The following CNTNAP2 variants were observed in gnomAD, a reference collection of about 807,000 sequenced individuals.
The protein encoded by CNTNAP2 is contactin associated protein 2.
In CNTNAP2, 98 loss-of-function variants were observed where a neutral mutation model predicts 155.2. The observed-to-expected ratio is 0.63, with a 90% CI of 0.54 to 0.75. The LOEUF (loss-of-function observed/expected upper bound fraction) is 0.75. Ranked by LOEUF, CNTNAP2 falls within the 30% of genes least tolerant of loss-of-function variation. The pLI is 0.00. For synonymous variants in CNTNAP2, 651 were observed against 631.2 expected (o/e 1.03, Z -0.47); for missense variants, 1,727 against 1,688.1 (o/e 1.02, Z -0.40).
intron 8 of CNTNAP2, among the ~76,000 whole-genome samples, chr7:147,135,146 A>G (rs1341671671): frequency 1.3e-5 from 2 of 151,868 alleles, no homozygotes; most frequent in East Asian, 3.9e-4. Context: ...TACAAGTAAA[A>G]TAATGTTTAA....
At chr7:147,685,570 G>C (rs1474663714) in intron 13 of CNTNAP2, among the ~76,000 whole-genome samples, 1 of 151,588 alleles carries the variant, frequency 6.6e-6, no homozygotes, top group African/African-American at 2.4e-5. Flanking sequence ...TTCCTTCACA[G>C]ATATTCTTGG....
At chr7:146,505,350 G>A (rs538014846) in intron 1 of CNTNAP2, among the ~76,000 whole-genome samples, 6 of 152,266 alleles carry the variant, frequency 3.9e-5, no homozygotes, top group African/African-American at 1.4e-4. Context: ...TACTAACAGG[G>A]GTAAATCATG....
chr7:148,158,294 C>T (rs112956945), intron 17 of CNTNAP2, among the ~76,000 whole-genome samples: 175 of 141,890 alleles, frequency 1.2e-3, no homozygotes, highest in African/African-American at 4.7e-3. Context: ...ACAATCTCGG[C>T]TCACTGCAAC....
intron 11 of CNTNAP2, among the ~76,000 whole-genome samples, chr7:147,539,865 G>A (rs182669849): frequency 2.6e-5 from 4 of 152,236 alleles, no homozygotes; most frequent in Non-Finnish European, 4.4e-5. Context: ...TGAGAGGATC[G>A]TATTTCAAGA....
chr7:147,304,631 A>T lies in CNTNAP2; in HGVS notation c.1498+4341A>T, dbSNP rs117518985. Among the ~76,000 whole-genome samples the T allele has an allele frequency of 6.0e-3, 907 of 152,240 alleles. 26 individuals are homozygous for T. The highest frequency in any genetic ancestry group is 0.041 in the Admixed American group (630 of 15,272). On this transcript the variant is annotated intron_variant, in intron 9 of 23. Transcript: ENST00000361727. ...AATGGGGAAGCAGGCAGGTCTTAGG[A>T]AGGTACCAAAGCAAGTGGTGAAGGC...
chr7:148,266,241 G>A (rs937542167), intron 20 of CNTNAP2, among the ~76,000 whole-genome samples: 7 of 152,168 alleles, frequency 4.6e-5, no homozygotes, highest in Admixed American at 1.3e-4. Context: ...GTTTTCCACC[G>A]GGGTGGGGGG....
At chr7:146,663,228 A>C (rs1000706278) in intron 1 of CNTNAP2, among the ~76,000 whole-genome samples, 1 of 148,500 alleles carries the variant, frequency 6.7e-6, no homozygotes, top group South Asian at 2.1e-4. Flanking sequence ...CAGTGAGCCA[A>C]GATCAGCCAT....
At chr7:146,340,068 C>A (rs1801350883) in intron 1 of CNTNAP2, among the ~76,000 whole-genome samples, 1 of 149,138 alleles carries the variant, frequency 6.7e-6, no homozygotes, top group East Asian at 2.0e-4. Context: ...ACTCAGCAGG[C>A]TGAGGCAGGA....
intron 1 of CNTNAP2, among the ~76,000 whole-genome samples, chr7:146,378,298 T>C (rs1046287564): frequency 1.3e-5 from 2 of 152,188 alleles, no homozygotes; most frequent in African/African-American, 4.8e-5. Context: ...ATTAATTGGC[T>C]TGAAATGTTG....
chr7:148,011,586 C>T (rs1188445763), intron 15 of CNTNAP2, among the ~76,000 whole-genome samples: 1 of 152,200 alleles, frequency 6.6e-6, no homozygotes, highest in Non-Finnish European at 1.5e-5. Flanking sequence ...TTATCCCTTG[C>T]ACCTTGCAAT....
intron 3 of CNTNAP2, among the ~76,000 whole-genome samples, chr7:146,914,880 G>A (rs1345837525): frequency 6.6e-6 from 1 of 151,738 alleles, no homozygotes; most frequent in Non-Finnish European, 1.5e-5. Flanking sequence ...TCTTGGTCAT[G>A]AAGTCTTTGC....
At chr7:147,599,982 G>C (rs1445253405) in intron 12 of CNTNAP2, among the ~76,000 whole-genome samples, 1 of 152,112 alleles carries the variant, frequency 6.6e-6, no homozygotes, top group African/African-American at 2.4e-5. Context: ...TTTAATATTT[G>C]AAAACAACCT....
At chr7:146,531,107 AT>A (rs1266472994) in intron 1 of CNTNAP2, among the ~76,000 whole-genome samples, 1 of 152,204 alleles carries the variant, frequency 6.6e-6, no homozygotes, top group Non-Finnish European at 1.5e-5. Flanking sequence ...TCCTAAGCGA[AT>A]TGACACAGGA....
At chr7:147,083,774 A>G (rs570848570) in intron 4 of CNTNAP2, among the ~76,000 whole-genome samples, 6 of 133,560 alleles carry the variant, frequency 4.5e-5, no homozygotes, top group East Asian at 2.2e-4. Flanking sequence ...GTATACACAT[A>G]TATGTATATA....
intron 3 of CNTNAP2, among the ~76,000 whole-genome samples, chr7:146,970,071 A>C (rs187674210): frequency 1.4e-4 from 22 of 152,352 alleles, no homozygotes; most frequent in Non-Finnish European, 2.5e-4. Context: ...AAGATGGATT[A>C]AAGACTTAAA....
chr7:148,229,847 G>A, intron 20 of CNTNAP2, 68 bp downstream of exon 20: 1 of 1,592,270 alleles, frequency 6.3e-7, no homozygotes, highest in Non-Finnish European at 8.6e-7. Context: ...ATAATGCTTG[G>A]CCATTGGTTT....
chr7:147,137,175 A>AT (rs1801499450), intron 8 of CNTNAP2, among the ~76,000 whole-genome samples: 1 of 151,430 alleles, frequency 6.6e-6, no homozygotes, highest in South Asian at 2.1e-4. Context: ...TGGACATGTG[A>AT]TTTTAAAGAG....
chr7:146,912,456 A>C (rs1469130926), intron 3 of CNTNAP2, among the ~76,000 whole-genome samples: 1 of 152,110 alleles, frequency 6.6e-6, no homozygotes, highest in Non-Finnish European at 1.5e-5. Context: ...ATTTTGTGGG[A>C]AATGCTATGT....
rs751646066 is a variant in CNTNAP2, at chr7:148,415,657, C to T, written c.*41C>T. 3.7e-6 allele frequency: 6 copies of T among 1,610,052 alleles called. No individual in the cohort carries two copies. The highest frequency in any genetic ancestry group is 5.1e-6 in the Non-Finnish European group (6 of 1,177,782). On this transcript the variant is annotated 3_prime_UTR_variant, in exon 24 of 24. Coordinates refer to ENST00000361727, the MANE Select transcript of CNTNAP2 (RefSeq NM_014141.6). ...CTATGGGATAGGGAGGAGGGAATTACTAGGGAGGAGAGAAAGGGACAAAAG... is the reference window on the plus strand; with the variant it reads ...CTATGGGATAGGGAGGAGGGAATTATTAGGGAGGAGAGAAAGGGACAAAAG...
Sources: gnomAD v4.1 joint callset for allele counts (sites outside exome capture counted in the v4.1 genomes callset) on GRCh38, gnomAD v4.1.1 for gene constraint, MANE v1.5 for transcripts, NCBI Gene and HGNC (gene_info 2026-07-23, HGNC 2026-07-21) for gene names.